Variants in LINGO2 observed in about 807,000 individuals in gnomAD.
LINGO2 encodes the protein leucine-rich repeat and immunoglobulin-like domain-containing nogo receptor-interacting protein 2.
LINGO2 carries 14 observed loss-of-function variants against 30.6 expected under a neutral mutation model. That is an observed-to-expected ratio of 0.46 (90% CI 0.30 to 0.72). The LOEUF is 0.72. Ranked by LOEUF, LINGO2 falls within the 30% of genes least tolerant of loss-of-function variation. The pLI is 0.07. For missense variants in LINGO2, 729 were observed against 751.7 expected (o/e 0.97, Z 0.35); for synonymous variants, 317 against 288.5 (o/e 1.10, Z -1.00).
intron 3 of LINGO2, among the ~76,000 whole-genome samples, chr9:28,313,173 G>T (rs147289723): frequency 2.4e-4 from 36 of 152,286 alleles, no homozygotes; most frequent in African/African-American, 8.7e-4. Flanking sequence ...ATTGAGAGAA[G>T]TTATATCATT....
the LINGO2 span, among the ~76,000 whole-genome samples, chr9:28,829,641 AC>A: frequency 2.6e-5 from 4 of 152,164 alleles, no homozygotes; most frequent in South Asian, 6.2e-4. Flanking sequence ...TAATCCCAGC[AC>A]TTTGGGAGGC....
the LINGO2 span, among the ~76,000 whole-genome samples, chr9:28,845,533 T>C: frequency 1.3e-5 from 2 of 151,972 alleles, no homozygotes; most frequent in Admixed American, 6.5e-5. Context: ...TTGTAGCCAA[T>C]AGTTCCAATT....
At chr9:28,578,249 A>C (rs1306085967) in intron 1 of LINGO2, among the ~76,000 whole-genome samples, 1 of 152,094 alleles carries the variant, frequency 6.6e-6, no homozygotes, top group Non-Finnish European at 1.5e-5. Context: ...CTAATTCTGA[A>C]ATGGCTCTAG....
chr9:29,032,271 A>G, the LINGO2 span, among the ~76,000 whole-genome samples: 63 of 152,262 alleles, frequency 4.1e-4, no homozygotes, highest in East Asian at 0.011. Flanking sequence ...TTTTAAGGTG[A>G]TATGTTAAAT....
intron 4 of LINGO2, among the ~76,000 whole-genome samples, chr9:28,234,029 G>T (rs1221334213): frequency 1.3e-5 from 2 of 152,150 alleles, no homozygotes; most frequent in Non-Finnish European, 2.9e-5. Context: ...TATAGTGAAA[G>T]ACTCCTTCTA....
the LINGO2 span, among the ~76,000 whole-genome samples, chr9:29,016,085 A>G: frequency 6.6e-6 from 1 of 152,156 alleles, no homozygotes; most frequent in Non-Finnish European, 1.5e-5. Context: ...AAAATGTTTT[A>G]CTTCAGAGAT....
chr9:28,348,753 G>C (rs939171905), intron 3 of LINGO2, among the ~76,000 whole-genome samples: 9 of 150,168 alleles, frequency 6.0e-5, no homozygotes, highest in Non-Finnish European at 1.0e-4. Context: ...GTCCCTGTCT[G>C]ACAGCTTTGA....
intron 1 of LINGO2, among the ~76,000 whole-genome samples, chr9:28,590,979 TA>T (rs1824871759): frequency 6.6e-6 from 1 of 152,170 alleles, no homozygotes; most frequent in East Asian, 1.9e-4. Context: ...TATGCAGCCA[TA>T]AAAAACGATG....
intron 4 of LINGO2, among the ~76,000 whole-genome samples, chr9:28,292,106 A>G (rs1354147766): frequency 6.6e-6 from 1 of 152,234 alleles, no homozygotes; most frequent in African/African-American, 2.4e-5. Flanking sequence ...CAAGTGAGTT[A>G]TCTGCATCAT....
the LINGO2 span, among the ~76,000 whole-genome samples, chr9:28,719,056 G>A: frequency 6.6e-6 from 1 of 151,780 alleles, no homozygotes; most frequent in Non-Finnish European, 1.5e-5. Flanking sequence ...TGAAACCATC[G>A]GATGGAAACT....
intron 4 of LINGO2, among the ~76,000 whole-genome samples, chr9:28,067,669 A>T (rs1008497616): frequency 9.2e-5 from 14 of 152,156 alleles, no homozygotes; most frequent in Admixed American, 7.2e-4. Context: ...ATGATAAGGA[A>T]ATCTTGGGTA....
At chr9:28,811,990 A>G in the LINGO2 span, among the ~76,000 whole-genome samples, 2 of 152,116 alleles carry the variant, frequency 1.3e-5, no homozygotes, top group South Asian at 2.1e-4. Context: ...TTTTCTGTAC[A>G]GTTTTCTACA....
At chr9:28,193,317 T>C (rs1819887847) in intron 4 of LINGO2, among the ~76,000 whole-genome samples, 1 of 152,172 alleles carries the variant, frequency 6.6e-6, no homozygotes, top group Non-Finnish European at 1.5e-5. Flanking sequence ...TTAGAAATTT[T>C]TGCATAAAAT....
At chr9:27,950,997 T>C (rs1290874664) in intron 5 of LINGO2, among the ~76,000 whole-genome samples, 2 of 152,170 alleles carry the variant, frequency 1.3e-5, no homozygotes, top group African/African-American at 2.4e-5. Context: ...ATAAAGATAA[T>C]GTGTGACACA....
At chr9:28,727,663 C>T in the LINGO2 span, among the ~76,000 whole-genome samples, 1 of 152,226 alleles carries the variant, frequency 6.6e-6, no homozygotes, top group East Asian at 1.9e-4. Context: ...CAACTGGGTA[C>T]TGACTCTGGC....
At chr9:28,952,240 T>C in the LINGO2 span, among the ~76,000 whole-genome samples, 28,956 of 151,896 alleles carry the variant, frequency 0.19, 2,953 homozygotes, top group East Asian at 0.29. Flanking sequence ...GTTAAAATCA[T>C]GGGTTCAATA....
At chr9:28,824,475 T>A in the LINGO2 span, among the ~76,000 whole-genome samples, 1 of 152,190 alleles carries the variant, frequency 6.6e-6, no homozygotes. Context: ...GTCATTTTAC[T>A]GAGTTTTGTA....
the LINGO2 span, among the ~76,000 whole-genome samples, chr9:28,822,014 T>C: frequency 1.3e-5 from 2 of 152,092 alleles, no homozygotes; most frequent in African/African-American, 2.4e-5. Flanking sequence ...AACAGAGACC[T>C]GAAGCAGCAG....
chr9:28,638,498 C>A (rs550586054), intron 1 of LINGO2, among the ~76,000 whole-genome samples: 1 of 152,136 alleles, frequency 6.6e-6, no homozygotes, highest in East Asian at 1.9e-4. Context: ...AATTTCAGAG[C>A]CTGTTATTGG....
Sources: gnomAD v4.1 joint callset for allele counts (sites outside exome capture counted in the v4.1 genomes callset) on GRCh38, gnomAD v4.1.1 for gene constraint, MANE v1.5 for transcripts, NCBI Gene and HGNC (gene_info 2026-07-23, HGNC 2026-07-21) for gene names.